SEMA3E: variants seen among roughly 807,000 people sequenced by gnomAD.
SEMA3E encodes the protein semaphorin 3E, also known as semaphorin-3E.
SEMA3E carries 49 observed loss-of-function variants against 93.6 expected under a neutral mutation model. That is an observed-to-expected ratio of 0.52 (90% confidence interval 0.42 to 0.66). The LOEUF (loss-of-function observed/expected upper bound fraction) is 0.66. Ranked by LOEUF, SEMA3E falls within the 30% of genes least tolerant of loss-of-function variation. SEMA3E has a pLI of 0.00. For synonymous variants in SEMA3E, 363 were observed against 330.7 expected (o/e 1.10, Z -1.06); for missense variants, 906 against 964.8 (o/e 0.94, Z 0.81).
Position 83,389,681 on chromosome 7 carries a change from A to G in SEMA3E, c.1668-2631T>C, listed in dbSNP as rs553759815. Among the ~76,000 whole-genome samples, 261 of 151,230 alleles carry G rather than the reference A, an allele frequency of 1.7e-3. 2 individuals carry two copies. Among genetic ancestry groups the G allele is most frequent in the African/African-American group, 6.0e-3 (247 of 41,314 alleles). ...TATACATACACACATATACACGTAT[A>G]TATTACATGTATACATACACACATA... On this transcript the variant is annotated intron_variant, in intron 14 of 16. Transcript: ENST00000643230.
intron 1 of SEMA3E, among the ~76,000 whole-genome samples, chr7:83,610,998 T>C (rs1404134710): frequency 6.6e-6 from 1 of 151,810 alleles, no homozygotes; most frequent in African/African-American, 2.4e-5. Context: ...AAATTCCGAG[T>C]TCCCCCACCA....
chr7:83,465,167 T>A (rs532423084), intron 4 of SEMA3E, among the ~76,000 whole-genome samples: 1 of 151,834 alleles, frequency 6.6e-6, no homozygotes, highest in Non-Finnish European at 1.5e-5. Flanking sequence ...AACACCTCCA[T>A]TGAGCACCTT....
rs115612584 is a variant in SEMA3E, at chr7:83,405,115, A to G, written c.998+335T>C. ...GGAATTATCCTAGACTTTACAACATATAATAACACATTGTAAGGACTGATA... is the reference window on the plus strand; with the variant it reads ...GGAATTATCCTAGACTTTACAACATGTAATAACACATTGTAAGGACTGATA... On this transcript the variant is annotated intron_variant, in intron 9 of 16. Transcript: ENST00000643230. Among the ~76,000 whole-genome samples the G allele has an allele frequency of 5.8e-3, 889 of 152,130 alleles. 4 individuals are homozygous for G. The highest frequency in any genetic ancestry group is 0.02 in the African/African-American group (847 of 41,556).
At chr7:83,451,032 C>T (rs1789349207) in intron 4 of SEMA3E, among the ~76,000 whole-genome samples, 1 of 151,994 alleles carries the variant, frequency 6.6e-6, no homozygotes, top group South Asian at 2.1e-4. Context: ...GGGTAGTTTC[C>T]CCCATCCTGT....
intron 1 of SEMA3E, among the ~76,000 whole-genome samples, chr7:83,493,940 C>T (rs911682703): frequency 6.6e-6 from 1 of 151,744 alleles, no homozygotes; most frequent in African/African-American, 2.4e-5. Flanking sequence ...CATATATCTG[C>T]AATAATGGAC....
At chr7:83,458,625 ACAT>A (rs976656527) in intron 4 of SEMA3E, among the ~76,000 whole-genome samples, 2 of 151,840 alleles carry the variant, frequency 1.3e-5, no homozygotes, top group Non-Finnish European at 2.9e-5. Context: ...TTGCAAGTTT[ACAT>A]GGGCTAATAT....
Position 83,387,066 on chromosome 7 carries a change from T to A in SEMA3E, c.1668-16A>T, listed in dbSNP as rs371322188. 1 of 1,610,112 alleles carries A rather than the reference T, an allele frequency of 6.2e-7. No individual in the cohort carries two copies. The highest frequency in any genetic ancestry group is 1.3e-5 in the African/African-American group (1 of 74,808). On this transcript the variant is annotated splice_polypyrimidine_tract_variant and intron_variant, in intron 14 of 16. Coordinates refer to ENST00000643230, the MANE Select transcript of SEMA3E (RefSeq NM_012431.3). ...CCGGAAACGCCTGAAAGAAAGTAAATGCATTTAGATGTTCATTTTTTCAAT... is the reference window on the plus strand; with the variant it reads ...CCGGAAACGCCTGAAAGAAAGTAAAAGCATTTAGATGTTCATTTTTTCAAT...
chr7:83,511,695 G>C (rs947887164), intron 1 of SEMA3E, among the ~76,000 whole-genome samples: 2 of 152,134 alleles, frequency 1.3e-5, no homozygotes, highest in East Asian at 1.9e-4. Context: ...GACCAGCCTG[G>C]CCAACATGGT....
chr7:83,452,393 G>A (rs1239884076), intron 4 of SEMA3E, among the ~76,000 whole-genome samples: 1 of 152,152 alleles, frequency 6.6e-6, no homozygotes, highest in Non-Finnish European at 1.5e-5. Context: ...TAGTTACAGA[G>A]TTCTGGTTCA....
At position 83,558,395 on chromosome 7, in the gene SEMA3E, G is replaced by A. The variant is rs906805268; in HGVS notation, c.116-68121C>T. On this transcript the variant is annotated intron_variant, in intron 1 of 16. Transcript: ENST00000643230. ...CCAAGGTTTTACTGAATAATTTTGTGGTCTACTGTGCTACTGGTATTTGGT... is the reference window on the plus strand; with the variant it reads ...CCAAGGTTTTACTGAATAATTTTGTAGTCTACTGTGCTACTGGTATTTGGT... Among the ~76,000 whole-genome samples, 3 of 152,036 alleles carry A rather than the reference G, an allele frequency of 2.0e-5. No homozygotes were observed. In the East Asian group the frequency reaches 5.8e-4, roughly 29 times the overall value.
At chr7:83,598,589 T>A (rs1584355196) in intron 1 of SEMA3E, among the ~76,000 whole-genome samples, 1 of 152,120 alleles carries the variant, frequency 6.6e-6, no homozygotes, top group Non-Finnish European at 1.5e-5. Context: ...CAGGCTAGAG[T>A]CCTCCCTTTG....
chr7:83,556,715 G>A (rs903693380), intron 1 of SEMA3E, among the ~76,000 whole-genome samples: 8 of 152,154 alleles, frequency 5.3e-5, no homozygotes, highest in African/African-American at 1.4e-4. Flanking sequence ...CAGCTTGAAT[G>A]TTTGTGTCCT....
chr7:83,564,774 A>G (rs896083380), intron 1 of SEMA3E, among the ~76,000 whole-genome samples: 2 of 152,214 alleles, frequency 1.3e-5, no homozygotes, highest in African/African-American at 4.8e-5. Flanking sequence ...AATAGGAAAG[A>G]TGACAATTAC....
chr7:83,640,990 GA>G, intron 1 of SEMA3E, among the ~76,000 whole-genome samples: 1 of 152,182 alleles, frequency 6.6e-6, no homozygotes, highest in Middle Eastern at 3.4e-3. Flanking sequence ...AGGAAGTAGA[GA>G]AAAAGGTGGA....
rs375802700 is a variant in SEMA3E at position 83,394,312 on chromosome 7, C to T, written c.1485G>A (p.Glu495=). ...FKDPVPIISM[E]ISSKRQQLYI... Reference sequence around the variant, plus strand: ...CAGAACTTACCCGCTTTGAAGAAATCTCCATAGAAATAATAGGAACTGGAT... The same window carrying T: ...CAGAACTTACCCGCTTTGAAGAAATTTCCATAGAAATAATAGGAACTGGAT... Residue 495 remains glutamate (E), a synonymous_variant, in exon 13 of 17, where the codon GAG becomes GAA. Transcript: ENST00000643230. 3.4e-5 allele frequency: 55 copies of T among 1,613,132 alleles called. No individual in the cohort carries two copies. The highest frequency in any genetic ancestry group is 4.4e-5 in the Non-Finnish European group (52 of 1,179,686).
chr7:83,530,840 T>C (rs1791278317), intron 1 of SEMA3E, among the ~76,000 whole-genome samples: 1 of 151,462 alleles, frequency 6.6e-6, no homozygotes, highest in Non-Finnish European at 1.5e-5. Flanking sequence ...ATTGCGCCAC[T>C]GTACTCCAGC....
intron 1 of SEMA3E, among the ~76,000 whole-genome samples, chr7:83,510,006 T>C (rs919562174): frequency 1.3e-5 from 2 of 152,148 alleles, no homozygotes; most frequent in Non-Finnish European, 2.9e-5. Context: ...CTACTTGACA[T>C]TGTAGACAAG....
At chr7:83,523,426 C>T (rs1306532705) in intron 1 of SEMA3E, among the ~76,000 whole-genome samples, 1 of 152,096 alleles carries the variant, frequency 6.6e-6, no homozygotes, top group Non-Finnish European at 1.5e-5. Flanking sequence ...TAACAAATTT[C>T]ATTTTTAATG....
intron 1 of SEMA3E, among the ~76,000 whole-genome samples, chr7:83,645,842 G>C (rs1008444586): frequency 2.6e-5 from 4 of 151,830 alleles, no homozygotes; most frequent in African/African-American, 7.3e-5. Context: ...AGAATGAAGG[G>C]GAGAGGAAAA....
Sources: allele counts gnomAD v4.1 joint callset (sites outside exome capture counted in the v4.1 genomes callset), GRCh38; gene constraint gnomAD v4.1.1; transcripts MANE v1.5; gene names NCBI Gene and HGNC (gene_info 2026-07-23, HGNC 2026-07-21).